Variants in NFIB observed in about 807,000 individuals in gnomAD.
The protein encoded by NFIB is nuclear factor 1 B-type.
In NFIB, 11 loss-of-function variants were observed where a neutral mutation model predicts 61.5. The ratio of observed to expected loss-of-function variants is 0.18; its 90% CI spans 0.11 to 0.30. The LOEUF is 0.30. Among genes scored for constraint, NFIB ranks in the 10% least tolerant of loss-of-function variants. The pLI, the probability that NFIB is intolerant of heterozygous loss-of-function variation, is 1.00. For synonymous variants in NFIB, 260 were observed against 216.5 expected, an observed-to-expected ratio of 1.20 and a Z score of -1.76; for missense variants, 471 against 608.9, an observed-to-expected ratio of 0.77 and a Z score of 2.38.
At chr9:14,189,425 G>C (rs894437415) in intron 2 of NFIB, among the ~76,000 whole-genome samples, 2 of 152,044 alleles carry the variant, frequency 1.3e-5, no homozygotes, top group African/African-American at 4.8e-5. Flanking sequence ...GTGGCAACTA[G>C]TTAATGAAAG....
intron 1 of NFIB, among the ~76,000 whole-genome samples, chr9:14,389,052 T>C (rs73419663): frequency 0.014 from 2,090 of 152,338 alleles, 48 homozygotes; most frequent in African/African-American, 0.047. Context: ...GTGTGTAGCT[T>C]TGGATCAAGA....
intron 8 of NFIB, among the ~76,000 whole-genome samples, chr9:14,118,822 T>A (rs1421043271): frequency 2.0e-5 from 3 of 150,906 alleles, no homozygotes; most frequent in African/African-American, 7.3e-5. Flanking sequence ...AGGTGATATG[T>A]ATCTTGAAAA....
chr9:14,226,363 C>A (rs889683096), intron 2 of NFIB, among the ~76,000 whole-genome samples: 2 of 151,820 alleles, frequency 1.3e-5, no homozygotes, highest in Non-Finnish European at 2.9e-5. Context: ...GCCTGGAAAA[C>A]ATAGTGAGAT....
chr9:14,527,235 T>C, the NFIB span, among the ~76,000 whole-genome samples: 4 of 152,188 alleles, frequency 2.6e-5, no homozygotes, highest in Non-Finnish European at 5.9e-5. Context: ...ATTTGATATA[T>C]TAAAAACGAA....
the NFIB span, among the ~76,000 whole-genome samples, chr9:14,430,232 A>T: frequency 6.6e-6 from 1 of 152,192 alleles, no homozygotes; most frequent in Non-Finnish European, 1.5e-5. Context: ...ACATGGGTAA[A>T]ATTTTTTTTG....
chr9:14,285,103 A>C (rs1378282962), intron 2 of NFIB, among the ~76,000 whole-genome samples: 1 of 152,208 alleles, frequency 6.6e-6, no homozygotes, highest in East Asian at 1.9e-4. Flanking sequence ...TCATAAATTA[A>C]AGATAAAACA....
the NFIB span, among the ~76,000 whole-genome samples, chr9:14,456,587 T>C: frequency 1.3e-5 from 2 of 152,200 alleles, no homozygotes; most frequent in Non-Finnish European, 2.9e-5. Flanking sequence ...TATGAAAGGA[T>C]GCTCAGCCTC....
chr9:14,144,884 T>A (rs1401827896), intron 6 of NFIB, among the ~76,000 whole-genome samples: 2 of 152,112 alleles, frequency 1.3e-5, no homozygotes, highest in African/African-American at 4.8e-5. Context: ...CAACTTCAAG[T>A]AAAGCAGTGG....
chr9:14,161,457 TA>T (rs1164827973), intron 3 of NFIB, among the ~76,000 whole-genome samples: 3 of 151,860 alleles, frequency 2.0e-5, no homozygotes, highest in African/African-American at 7.3e-5. Context: ...CTGATAGCAT[TA>T]TATTTTTTTC....
chr9:14,379,562 T>A (rs897729797), intron 1 of NFIB, among the ~76,000 whole-genome samples: 1 of 152,198 alleles, frequency 6.6e-6, no homozygotes, highest in African/African-American at 2.4e-5. Flanking sequence ...AAAGTCCTTA[T>A]GTCACTGTGG....
rs2060385101 is a variant in NFIB, at chr9:14,313,404, G to A, written c.30+78C>T. 7 of 1,597,980 alleles carry A rather than the reference G, an allele frequency of 4.4e-6. No homozygotes were observed. In the African/African-American group the frequency reaches 5.4e-5, roughly 12 times the overall value. ...GGATGTGCGGAGGTTAACTCAAGCC[G>A]CTAATTGTCCGCAACAAAACAAAAC... On this transcript the variant is annotated intron_variant, in intron 1 of 10. Transcript: ENST00000380953. This position sits in a 1 kb window ranked among gnomAD's most constrained non-coding sequence, Gnocchi z 4.5.
At chr9:14,146,219 A>G (rs541564167) in intron 6 of NFIB, among the ~76,000 whole-genome samples, 1 of 152,288 alleles carries the variant, frequency 6.6e-6, no homozygotes, top group African/African-American at 2.4e-5. Flanking sequence ...AGTATCTTAC[A>G]TTACACTTTT....
At chr9:14,139,891 A>G (rs1387030604) in intron 6 of NFIB, among the ~76,000 whole-genome samples, 1 of 152,186 alleles carries the variant, frequency 6.6e-6, no homozygotes, top group African/African-American at 2.4e-5. Flanking sequence ...TTCAGGGTGG[A>G]AGCATCCTTG....
At chr9:14,502,733 A>G in the NFIB span, among the ~76,000 whole-genome samples, 1 of 151,988 alleles carries the variant, frequency 6.6e-6, no homozygotes, top group Non-Finnish European at 1.5e-5. Flanking sequence ...TTAATTTGTA[A>G]ATTTGTTTCT....
chr9:14,351,654 A>G (rs2061114247), intron 1 of NFIB, among the ~76,000 whole-genome samples: 1 of 152,226 alleles, frequency 6.6e-6, no homozygotes, highest in Admixed American at 6.5e-5. Context: ...ATCCTAGATG[A>G]CAACTTCTCC....
chr9:14,488,498 T>A, the NFIB span, among the ~76,000 whole-genome samples: 1 of 152,176 alleles, frequency 6.6e-6, no homozygotes, highest in Non-Finnish European at 1.5e-5. Context: ...GCTGGGTTAT[T>A]CAGAAATGTG....
chr9:14,433,112 G>C, the NFIB span, among the ~76,000 whole-genome samples: 1 of 152,050 alleles, frequency 6.6e-6, no homozygotes, highest in East Asian at 1.9e-4. Flanking sequence ...TTTTGGAGCA[G>C]TAAAACCTCA....
At chr9:14,317,941 A>C (rs1381830627), upstream of NFIB, among the ~76,000 whole-genome samples, 1 of 152,210 alleles carries the variant, frequency 6.6e-6, no homozygotes, top group African/African-American at 2.4e-5. Flanking sequence ...TAAGAGTGGA[A>C]ATATCTCTGA....
the NFIB span, among the ~76,000 whole-genome samples, chr9:14,490,620 G>A: frequency 6.6e-6 from 1 of 152,086 alleles, no homozygotes; most frequent in Non-Finnish European, 1.5e-5. Flanking sequence ...AGACAGCTCA[G>A]TAGAAAAATG....
Sources: gnomAD v4.1 joint callset for allele counts (sites outside exome capture counted in the v4.1 genomes callset) on GRCh38, gnomAD v4.1.1 for gene constraint, Gnocchi (gnomAD v3.1) non-coding constraint, MANE v1.5 for transcripts, NCBI Gene and HGNC (gene_info 2026-07-23, HGNC 2026-07-21) for gene names.